VAV3: variants seen among roughly 807,000 people sequenced by gnomAD.
The protein encoded by VAV3 is guanine nucleotide exchange factor VAV3.
In VAV3, 94 loss-of-function variants were observed where a neutral mutation model predicts 131.2. That is an observed-to-expected ratio of 0.72 (90% confidence interval 0.61 to 0.85). VAV3 has a LOEUF of 0.85. Among genes scored for constraint, VAV3 ranks in the 40% least tolerant of loss-of-function variants. The pLI is 0.00. For synonymous variants in VAV3, 349 were observed against 342.0 expected, an observed-to-expected ratio of 1.02 and a Z score of -0.22; for missense variants, 939 against 1,002.7, an observed-to-expected ratio of 0.94 and a Z score of 0.86.
chr1:107,618,832 T>C (rs1034843116), intron 20 of VAV3, among the ~76,000 whole-genome samples: 1 of 152,192 alleles, frequency 6.6e-6, no homozygotes, highest in Non-Finnish European at 1.5e-5. Context: ...GGGACTTAAA[T>C]ATAAAAAGTA....
chr1:107,745,163 T>C (rs541591759), intron 15 of VAV3, among the ~76,000 whole-genome samples: 1 of 152,114 alleles, frequency 6.6e-6, no homozygotes, highest in African/African-American at 2.4e-5. Flanking sequence ...CACATATGAC[T>C]AAATGGAATT....
intron 1 of VAV3, among the ~76,000 whole-genome samples, chr1:107,906,465 C>T (rs1672113155): frequency 6.6e-6 from 1 of 152,042 alleles, no homozygotes. Flanking sequence ...GAGATCGAGA[C>T]CATCCTGGCT....
chr1:107,798,149 T>A (rs1307238550), intron 2 of VAV3, among the ~76,000 whole-genome samples: 1 of 152,232 alleles, frequency 6.6e-6, no homozygotes, highest in African/African-American at 2.4e-5. Context: ...TCTTGTGGAA[T>A]GAACACAAAC....
At chr1:107,799,140 A>G (rs747851519) in intron 2 of VAV3, among the ~76,000 whole-genome samples, 2 of 152,212 alleles carry the variant, frequency 1.3e-5, no homozygotes, top group East Asian at 1.9e-4. Flanking sequence ...TTGAAAGAGT[A>G]CTTTTCATTT....
chr1:107,839,035 A>C (rs1023176581), intron 2 of VAV3, among the ~76,000 whole-genome samples: 5 of 152,158 alleles, frequency 3.3e-5, no homozygotes, highest in Non-Finnish European at 7.4e-5. Flanking sequence ...TTGTACTCTA[A>C]ATCTTGGTAT....
At chr1:107,714,821 C>A (rs1660997804) in intron 15 of VAV3, among the ~76,000 whole-genome samples, 1 of 152,046 alleles carries the variant, frequency 6.6e-6, no homozygotes, top group Non-Finnish European at 1.5e-5. Context: ...TAAATACTTT[C>A]AAAATACTGA....
chr1:107,758,328 T>G (rs1664227781), intron 10 of VAV3, among the ~76,000 whole-genome samples: 1 of 152,004 alleles, frequency 6.6e-6, no homozygotes, highest in Non-Finnish European at 1.5e-5. Context: ...CCAGCACATT[T>G]CCAGGCTGAG....
chr1:107,662,152 A>AT (rs1190962142), intron 19 of VAV3, among the ~76,000 whole-genome samples: 6 of 152,178 alleles, frequency 3.9e-5, no homozygotes, highest in African/African-American at 1.4e-4. Context: ...AATTGCTATG[A>AT]TTTTTTCAGC....
At chr1:107,658,175 G>A (rs1427369127) in intron 19 of VAV3, among the ~76,000 whole-genome samples, 4 of 151,966 alleles carry the variant, frequency 2.6e-5, no homozygotes, top group Admixed American at 1.3e-4. Flanking sequence ...AGAATAACAG[G>A]CCTATGAGTG....
intron 15 of VAV3, among the ~76,000 whole-genome samples, chr1:107,727,190 G>A (rs1185427946): frequency 6.6e-6 from 1 of 152,232 alleles, no homozygotes; most frequent in Non-Finnish European, 1.5e-5. Flanking sequence ...TTAAGTTTCA[G>A]AGAAGAAGAC....
intron 1 of VAV3, among the ~76,000 whole-genome samples, chr1:107,891,838 CAAAAA>C (rs35693360): frequency 1.0e-3 from 28 of 27,926 alleles, no homozygotes; most frequent in African/African-American, 2.6e-3. Context: ...GACTCCGTCT[CAAAAA>C]AAAAAAAAAA....
intron 22 of VAV3, among the ~76,000 whole-genome samples, chr1:107,604,077 C>T (rs1452303041): frequency 3.3e-5 from 5 of 151,958 alleles, no homozygotes; most frequent in African/African-American, 1.2e-4. Context: ...CTTTAATGAC[C>T]CCTCAAATCA....
chr1:107,813,098 G>T (rs1036960892), intron 2 of VAV3, among the ~76,000 whole-genome samples: 1 of 142,262 alleles, frequency 7.0e-6, no homozygotes, highest in Admixed American at 7.2e-5. Flanking sequence ...TAGCCTAAGC[G>T]ACAGAGCCAG....
chr1:107,661,540 A>G (rs1657014745), intron 19 of VAV3, among the ~76,000 whole-genome samples: 1 of 152,196 alleles, frequency 6.6e-6, no homozygotes, highest in Non-Finnish European at 1.5e-5. Context: ...CCCCACTTGA[A>G]TATAAGCTTT....
chr1:107,875,133 G>T, intron 1 of VAV3, 116 bp from the exon 2 acceptor site: 2 of 921,572 alleles, frequency 2.2e-6, no homozygotes, highest in Non-Finnish European at 3.4e-6. Context: ...AGCCTTTGAA[G>T]TTGCTTTTCA....
At chr1:107,661,761 G>A (rs1657040220) in intron 19 of VAV3, among the ~76,000 whole-genome samples, 1 of 152,056 alleles carries the variant, frequency 6.6e-6, no homozygotes, top group Non-Finnish European at 1.5e-5. Context: ...GGGCCATTCT[G>A]CGTGTATATG....
At chr1:107,811,112 A>T (rs1221154721) in intron 2 of VAV3, among the ~76,000 whole-genome samples, 1 of 152,198 alleles carries the variant, frequency 6.6e-6, no homozygotes, top group Non-Finnish European at 1.5e-5. Flanking sequence ...CAGACACAGA[A>T]GGCACAGAGA....
At chr1:107,799,600 T>C (rs865938986) in intron 2 of VAV3, among the ~76,000 whole-genome samples, 63 of 152,142 alleles carry the variant, frequency 4.1e-4, no homozygotes, top group African/African-American at 1.3e-3. Flanking sequence ...CCAGAGTACA[T>C]GCTGTAATTT....
chr1:107,626,785 G>T (rs1476560737), intron 20 of VAV3, among the ~76,000 whole-genome samples: 1 of 152,174 alleles, frequency 6.6e-6, no homozygotes, highest in East Asian at 1.9e-4. Flanking sequence ...TTACTCTCTG[G>T]TTTATAACCC....
Sources: gnomAD v4.1 joint callset for allele counts (sites outside exome capture counted in the v4.1 genomes callset) on GRCh38, gnomAD v4.1.1 for gene constraint, MANE v1.5 for transcripts, NCBI Gene and HGNC (gene_info 2026-07-23, HGNC 2026-07-21) for gene names.